ADCY8: variants seen among roughly 807,000 people sequenced by gnomAD.
ADCY8 encodes the protein adenylate cyclase type 8.
ADCY8 carries 51 observed loss-of-function variants against 119.7 expected under a neutral mutation model. The ratio of observed to expected loss-of-function variants is 0.43; its 90% CI spans 0.34 to 0.54. The LOEUF is 0.54. Ranked by LOEUF, ADCY8 falls within the 20% of genes least tolerant of loss-of-function variation. ADCY8 has a pLI of 0.03. For missense variants in ADCY8, 1,383 were observed against 1,598.8 expected, an observed-to-expected ratio of 0.87 and a Z score of 2.30; for synonymous variants, 665 against 651.0, an observed-to-expected ratio of 1.02 and a Z score of -0.33.
chr8:131,034,936 T>C (rs1369286613), intron 1 of ADCY8, among the ~76,000 whole-genome samples: 2 of 152,184 alleles, frequency 1.3e-5, no homozygotes, highest in East Asian at 3.8e-4. Flanking sequence ...AGATAGCTCA[T>C]ATTATTGTCA....
At chr8:131,011,250 T>C (rs1393810793) in intron 1 of ADCY8, among the ~76,000 whole-genome samples, 5 of 152,154 alleles carry the variant, frequency 3.3e-5, no homozygotes, top group African/African-American at 1.2e-4. Context: ...CTGAGAAGGC[T>C]CCTCATGTGG....
intron 7 of ADCY8, among the ~76,000 whole-genome samples, chr8:130,899,353 C>A (rs1029277559): frequency 1.3e-5 from 2 of 152,116 alleles, no homozygotes; most frequent in African/African-American, 4.8e-5. Flanking sequence ...AGCCTGTAAT[C>A]CCAGAACTTT....
chr8:130,804,350 G>A (rs528485202), intron 14 of ADCY8, among the ~76,000 whole-genome samples: 1 of 152,098 alleles, frequency 6.6e-6, no homozygotes, highest in African/African-American at 2.4e-5. Context: ...TCTTCCCTTA[G>A]GTTCTAGTCT....
intron 12 of ADCY8, among the ~76,000 whole-genome samples, chr8:130,827,543 G>C (rs1816704129): frequency 6.6e-6 from 1 of 152,186 alleles, no homozygotes; most frequent in Non-Finnish European, 1.5e-5. Flanking sequence ...TCTGCTGCTG[G>C]CCAGTCTTTT....
At position 130,899,232 on chromosome 8, in the gene ADCY8, C is replaced by A. The variant is rs149303597; in HGVS notation, c.1911+4540G>T. On this transcript the variant is annotated intron_variant, in intron 7 of 17. Coordinates refer to ENST00000286355, the MANE Select transcript of ADCY8 (RefSeq NM_001115.3). ...GACAATGCCTTCTGTATGCTATATACTCCCTGGTCATATCTCTCTATTTCC... is the reference window on the plus strand; with the variant it reads ...GACAATGCCTTCTGTATGCTATATAATCCCTGGTCATATCTCTCTATTTCC... Among the ~76,000 whole-genome samples the A allele has an allele frequency of 8.1e-4, 124 of 152,314 alleles. 1 individual carries two copies. Among genetic ancestry groups the A allele is most frequent in the African/African-American group, 2.7e-3 (112 of 41,556 alleles).
intron 1 of ADCY8, among the ~76,000 whole-genome samples, chr8:131,031,924 C>T (rs995116151): frequency 1.3e-5 from 2 of 152,082 alleles, no homozygotes; most frequent in Non-Finnish European, 2.9e-5. Context: ...AATGCATTCT[C>T]TAACCCTTAG....
At chr8:130,813,865 A>T (rs917655333) in intron 14 of ADCY8, among the ~76,000 whole-genome samples, 1 of 152,190 alleles carries the variant, frequency 6.6e-6, no homozygotes, top group African/African-American at 2.4e-5. Context: ...TAGTCTTTCA[A>T]TGGAGACCTT....
intron 13 of ADCY8, among the ~76,000 whole-genome samples, chr8:130,818,636 C>T (rs1489602769): frequency 6.6e-6 from 1 of 152,220 alleles, no homozygotes; most frequent in East Asian, 1.9e-4. Context: ...TATTTAGCCC[C>T]TATTAAAAAT....
rs114494614 is a variant in ADCY8, at chr8:130,791,817, C to A, written c.3061-6342G>T. Among the ~76,000 whole-genome samples, 950 of 152,344 alleles carry A rather than the reference C, an allele frequency of 6.2e-3. 3 individuals carry two copies. Among genetic ancestry groups the A allele is most frequent in the Admixed American group, 7.3e-3 (111 of 15,310 alleles). On this transcript the variant is annotated intron_variant, in intron 15 of 17. Coordinates refer to ENST00000286355, the MANE Select transcript of ADCY8 (RefSeq NM_001115.3). The stretch of plus-strand genomic sequence containing the variant: ...ACAGGTCCATCCCTTGTCATGTAGG[C>A]ATGCTGCTCCAGCATTCTCCTTTGT...
intron 2 of ADCY8, among the ~76,000 whole-genome samples, chr8:130,960,441 G>A (rs1204783013): frequency 1.9e-5 from 1 of 52,576 alleles, no homozygotes; most frequent in Non-Finnish European, 7.1e-5. Flanking sequence ...CAAAGGAAAT[G>A]AAACCTATTT....
chr8:130,815,936 G>T (rs1190404618), intron 13 of ADCY8, among the ~76,000 whole-genome samples: 2 of 152,198 alleles, frequency 1.3e-5, no homozygotes, highest in Admixed American at 6.5e-5. Context: ...ATGAGAAGGT[G>T]CACAGTGTCC....
At chr8:131,023,986 G>C (rs1187880307) in intron 1 of ADCY8, among the ~76,000 whole-genome samples, 12 of 152,190 alleles carry the variant, frequency 7.9e-5, no homozygotes, top group Non-Finnish European at 1.3e-4. Context: ...TTCCTTATAA[G>C]AGTGTTCTAG....
intron 5 of ADCY8, 88 bp from the exon 6 acceptor site, chr8:130,909,954 T>TC (rs1387226355): frequency 2.3e-6 from 3 of 1,300,790 alleles, no homozygotes; most frequent in Non-Finnish European, 3.2e-6. Context: ...TTTTTTTTTT[T>TC]TGAGACGGAG....
rs748987496 is a variant in ADCY8 at position 131,039,548 on chromosome 8, G to A, written c.786C>T (p.Leu262=). 3 of 1,613,748 alleles carry A rather than the reference G, an allele frequency of 1.9e-6. No homozygotes were observed. The highest frequency in any genetic ancestry group is 2.5e-6 in the Non-Finnish European group (3 of 1,180,010). Residue 262 remains leucine, a synonymous_variant, in exon 1 of 18, where the codon CTC becomes CTT. Coordinates refer to ENST00000286355, the MANE Select transcript of ADCY8 (RefSeq NM_001115.3). ...AMTTQILAAG[L]GYGLLGDGIG... is the part of the protein sequence containing the mutation. ...TGCCGTCGCCCAGGAGCCCGTAGCC[G>A]AGGCCTGCTGCCAGGATCTGGGTGG...
rs560347984 is a variant in ADCY8 at position 130,838,039 on chromosome 8, A to G, written c.2503-1590T>C. Among the ~76,000 whole-genome samples, 6 of 152,332 alleles carry G rather than the reference A, an allele frequency of 3.9e-5. No homozygotes were observed. The South Asian group carries it at 1.2e-3, about 32-fold the overall frequency. ...TGTAACAACTTGTCTTTTCTATTAC[A>G]TAGACAATTTTTGTATGGGCAGGGG... On this transcript the variant is annotated intron_variant, in intron 11 of 17. Coordinates refer to ENST00000286355, the MANE Select transcript of ADCY8 (RefSeq NM_001115.3).
chr8:131,039,376 G>C lies in ADCY8; in HGVS notation c.958C>G (p.Gln320Glu), dbSNP rs1199345049. The change falls in exon 1 of 18, where the codon CAG (glutamine) becomes GAG (glutamate). Residue 320 changes from glutamine (Q) to glutamate (E), a missense_variant and splice_region_variant. Physicochemically the swap from Gln to Glu is conservative, Grantham distance 29 (BLOSUM62 2). This residue lies in a region of ADCY8 where 455 missense variants were observed against 435.3 expected (regional missense o/e 1.05). Transcript: ENST00000286355. ...AATGCAAGGCAGGCAGGAGTTACCT[G>C]GTTGATGGAAATGACCGCCAGCCGG... ...IPRLAVISIN[Q>E]VVAQAVLFMC... 3.0e-5 allele frequency: 48 copies of C among 1,612,458 alleles called. No homozygotes were observed. Among genetic ancestry groups the C allele is most frequent in the Non-Finnish European group, 3.8e-5 (45 of 1,178,690 alleles).
intron 2 of ADCY8, among the ~76,000 whole-genome samples, chr8:130,970,065 A>G (rs1186440704): frequency 6.6e-6 from 1 of 152,208 alleles, no homozygotes; most frequent in African/African-American, 2.4e-5. Flanking sequence ...TGGCTCAGCT[A>G]TGCATGTGCT....
intron 1 of ADCY8, among the ~76,000 whole-genome samples, chr8:131,010,550 A>T (rs1823267976): frequency 6.6e-6 from 1 of 152,220 alleles, no homozygotes; most frequent in Non-Finnish European, 1.5e-5. Context: ...AGAAAAACAG[A>T]TACACAAATA....
chr8:130,882,903 G>A lies in ADCY8; in HGVS notation c.2109+1661C>T, dbSNP rs573933374. Among the ~76,000 whole-genome samples the A allele has an allele frequency of 3.9e-5, 6 of 152,176 alleles. No homozygotes were observed. The South Asian group carries it at 1.0e-3, about 26-fold the overall frequency. On this transcript the variant is annotated intron_variant, in intron 8 of 17. Transcript: ENST00000286355. ...TCTCGGTGACAGGAGAGGAGTGATCGTTTGCTGATGTGTCCTGTTGCCATC... is the reference window on the plus strand; with the variant it reads ...TCTCGGTGACAGGAGAGGAGTGATCATTTGCTGATGTGTCCTGTTGCCATC...
Sources: gnomAD v4.1 joint callset for allele counts (sites outside exome capture counted in the v4.1 genomes callset) on GRCh38, gnomAD v4.1.1 for gene constraint, gnomAD v4.1.1 regional missense constraint, MANE v1.5 for transcripts, NCBI Gene and HGNC (gene_info 2026-07-23, HGNC 2026-07-21) for gene names.